Variants in SLCO2A1 observed in about 807,000 individuals in gnomAD.
SLCO2A1 encodes the protein matrin F/G 1.
A neutral mutation model predicts 71.7 loss-of-function variants in SLCO2A1; 60 were observed. The observed-to-expected ratio is 0.84, with a 90% confidence interval of 0.68 to 1.04. The LOEUF (loss-of-function observed/expected upper bound fraction) is 1.04, where lower values mean the gene tolerates loss of function less well. SLCO2A1 is among the 50% of genes least tolerant of loss of function. SLCO2A1 has a pLI of 0.00. For missense variants in SLCO2A1, 745 were observed against 813.4 expected, an observed-to-expected ratio of 0.92 and a Z score of 1.02; for synonymous variants, 308 against 326.7, an observed-to-expected ratio of 0.94 and a Z score of 0.62.
Position 133,953,764 on chromosome 3 carries a change from G to A in SLCO2A1, c.626-3C>T, listed in dbSNP as rs762670912. ...TACAGAGATGGCAAATAAGATGGCTGGAAAAGGAAGTAAGGGGAAGGAGAC... is the reference window on the plus strand; with the variant it reads ...TACAGAGATGGCAAATAAGATGGCTAGAAAAGGAAGTAAGGGGAAGGAGAC... On this transcript the variant is annotated splice_polypyrimidine_tract_variant and splice_region_variant and intron_variant, in intron 4 of 13. Transcript: ENST00000310926. The A allele has an allele frequency of 3.1e-6, 5 of 1,612,830 alleles. No homozygotes were observed. The South Asian group carries it at 3.3e-5, about 11-fold the overall frequency.
At position 133,948,547 on chromosome 3, in the gene SLCO2A1, T is replaced by C. The variant is rs543050448; in HGVS notation, c.1094A>G (p.Asn365Ser). The C allele has an allele frequency of 1.7e-5, 28 of 1,613,662 alleles. No individual in the cohort carries two copies. Among genetic ancestry groups the C allele is most frequent in the African/African-American group, 1.5e-4 (11 of 75,022 alleles). The change falls in exon 8 of 14, where the codon AAC becomes AGC. Residue 365 changes from asparagine to serine, a missense_variant. Transcript: ENST00000310926. Reference sequence around the variant, plus strand: ...CCCTCTGGGCTCACCAATGAGGAAGTTGGCATAGGCTGCTGAGGTGCCATA... The same window carrying C: ...CCCTCTGGGCTCACCAATGAGGAAGCTGGCATAGGCTGCTGAGGTGCCATA... Reference protein sequence around the residue: ...KQYGTSAAYANFLIGAVNLPA... With the variant: ...KQYGTSAAYASFLIGAVNLPA...
intron 1 of SLCO2A1, among the ~76,000 whole-genome samples, chr3:134,012,678 T>C (rs1390519083): frequency 5.9e-5 from 9 of 152,192 alleles, no homozygotes; most frequent in African/African-American, 2.2e-4. Context: ...GTGGGAGGAC[T>C]TCTACATAGA....
chr3:133,997,131 C>A (rs1471470585), intron 1 of SLCO2A1, among the ~76,000 whole-genome samples: 4 of 152,150 alleles, frequency 2.6e-5, no homozygotes, highest in African/African-American at 9.7e-5. Context: ...CCATCCTCAA[C>A]ACACCCTGGG....
At chr3:134,025,048 G>A (rs1398575920) in intron 1 of SLCO2A1, among the ~76,000 whole-genome samples, 5 of 152,006 alleles carry the variant, frequency 3.3e-5, no homozygotes, top group African/African-American at 4.8e-5. Flanking sequence ...TGAAGAAGAC[G>A]ACAAGCCCTG....
At chr3:134,028,420 G>T (rs1935740255) in intron 1 of SLCO2A1, among the ~76,000 whole-genome samples, 2 of 152,208 alleles carry the variant, frequency 1.3e-5, no homozygotes, top group African/African-American at 2.4e-5. Flanking sequence ...GAGATTTGGA[G>T]ATTATTTTAA....
chr3:134,012,221 G>A (rs947879512), intron 1 of SLCO2A1, among the ~76,000 whole-genome samples: 10 of 152,222 alleles, frequency 6.6e-5, no homozygotes, highest in Admixed American at 6.5e-4. Flanking sequence ...ACCCTGCTGA[G>A]CAGTCCACAG....
intron 5 of SLCO2A1, among the ~76,000 whole-genome samples, 154 bp downstream of exon 5, chr3:133,953,509 C>A (rs374894556): frequency 2.0e-5 from 3 of 152,238 alleles, no homozygotes; most frequent in Admixed American, 1.3e-4. Flanking sequence ...CTGCTCCTGG[C>A]TCTCCGAGGG....
intron 3 of SLCO2A1, among the ~76,000 whole-genome samples, chr3:133,968,425 C>G: frequency 6.6e-6 from 1 of 152,172 alleles, no homozygotes; most frequent in East Asian, 1.9e-4. Flanking sequence ...CCAGTTCACT[C>G]AGGATCCCGA....
rs1188604640 is a variant in SLCO2A1 at position 134,015,378 on chromosome 3, T to A, written c.96+14329A>T. 3.0e-5 allele frequency among the ~76,000 whole-genome samples: 4 copies of A among 135,376 alleles called. No individual in the cohort carries two copies. The Admixed American group carries it at 3.3e-4, about 11-fold the overall frequency. 88.8% of individuals were successfully genotyped at this position (135,376 alleles called of 152,430 possible). A position where few individuals can be genotyped will look rare whatever the true frequency, so the allele number is the denominator to read the frequency against. Reference sequence around the variant, plus strand: ...CTCATGATCTGACTTAAATGCAGAATCTAATAAAGCTGAACTCATAGAAGT... The same window carrying A: ...CTCATGATCTGACTTAAATGCAGAAACTAATAAAGCTGAACTCATAGAAGT... On this transcript the variant is annotated intron_variant, in intron 1 of 13. Coordinates refer to ENST00000310926, the MANE Select transcript of SLCO2A1 (RefSeq NM_005630.3).
chr3:133,946,218 AGAG>A (rs1178259503), intron 9 of SLCO2A1, among the ~76,000 whole-genome samples: 2 of 150,770 alleles, frequency 1.3e-5, no homozygotes, highest in Non-Finnish European at 3.0e-5. Context: ...CACCAAAGAC[AGAG>A]GAGGTCATTT....
intron 12 of SLCO2A1, among the ~76,000 whole-genome samples, chr3:133,936,213 C>T (rs1933267220): frequency 6.6e-6 from 1 of 152,170 alleles, no homozygotes; most frequent in African/African-American, 2.4e-5. Context: ...GATACACGGG[C>T]CTCCACTGTG....
rs370983877 is a variant in SLCO2A1 at position 133,949,185 on chromosome 3, C to T, written c.862-214G>A. 5.1e-5 allele frequency: 30 copies of T among 584,530 alleles called. No homozygotes were observed. In the South Asian group the frequency reaches 6.0e-4, roughly 12 times the overall value. The allele number at this position is 584,530 out of a possible 1,614,324, so 36.2% of individuals were successfully genotyped here. A position where few individuals can be genotyped will look rare whatever the true frequency, so the allele number is the denominator to read the frequency against. ...CTGGTGTTTTGGCCGACAATCAGAA[C>T]ACATCTATGCCAATGCCTCCCACGA... On this transcript the variant is annotated intron_variant, in intron 6 of 13. Coordinates refer to ENST00000310926, the MANE Select transcript of SLCO2A1 (RefSeq NM_005630.3).
chr3:133,988,281 G>A (rs1316072294), intron 1 of SLCO2A1, among the ~76,000 whole-genome samples: 2 of 152,148 alleles, frequency 1.3e-5, no homozygotes, highest in Non-Finnish European at 2.9e-5. Context: ...CTGCAAATAA[G>A]AACTTGGGTC....
intron 11 of SLCO2A1, 63 bp from the exon 12 acceptor site, chr3:133,938,556 G>A: frequency 1.3e-6 from 2 of 1,520,702 alleles, no homozygotes. Context: ...CCTTGGGTAA[G>A]GGGCAGCCAG....
chr3:133,989,948 A>G (rs1238659657), intron 1 of SLCO2A1, among the ~76,000 whole-genome samples: 1 of 152,196 alleles, frequency 6.6e-6, no homozygotes, highest in Non-Finnish European at 1.5e-5. Flanking sequence ...CCAGAGGAGC[A>G]GGGCTTCCCT....
chr3:133,975,970 C>T (rs1934435609), intron 2 of SLCO2A1, among the ~76,000 whole-genome samples: 1 of 152,196 alleles, frequency 6.6e-6, no homozygotes, highest in African/African-American at 2.4e-5. Context: ...CTATATTTAT[C>T]CTTAGAATGA....
At chr3:133,968,376 T>A (rs6789676) in intron 3 of SLCO2A1, among the ~76,000 whole-genome samples, 12,891 of 151,906 alleles carry the variant, frequency 0.085, 1,802 homozygotes, top group African/African-American at 0.29. Flanking sequence ...ACACCATAGG[T>A]GGGTGTTCAC....
At chr3:133,990,477 C>T (rs1167100059) in intron 1 of SLCO2A1, among the ~76,000 whole-genome samples, 2 of 152,184 alleles carry the variant, frequency 1.3e-5, no homozygotes, top group Non-Finnish European at 2.9e-5. Context: ...GAAATATGTA[C>T]TTGTCAGTGG....
intron 1 of SLCO2A1, among the ~76,000 whole-genome samples, chr3:134,002,849 A>G (rs1935131746): frequency 6.6e-6 from 1 of 152,248 alleles, no homozygotes; most frequent in African/African-American, 2.4e-5. Flanking sequence ...CTTGGAAACA[A>G]GGCTAAACCT....
Sources: gnomAD v4.1 joint callset for allele counts (sites outside exome capture counted in the v4.1 genomes callset) on GRCh38, gnomAD v4.1.1 for gene constraint, MANE v1.5 for transcripts, NCBI Gene and HGNC (gene_info 2026-07-23, HGNC 2026-07-21) for gene names.